The following PHIP variants were observed in gnomAD, a reference collection of about 807,000 sequenced individuals.
The protein encoded by PHIP is PH-interacting protein.
In PHIP, 54 loss-of-function variants were observed where a neutral mutation model predicts 236.8. That is an observed-to-expected ratio of 0.23 (90% CI 0.18 to 0.29). The LOEUF is 0.29. Ranked by LOEUF, PHIP falls within the 10% of genes least tolerant of loss-of-function variation. PHIP has a pLI of 1.00. For synonymous variants in PHIP, 756 were observed against 718.9 expected (o/e 1.05, Z -0.83); for missense variants, 1,370 against 2,190.8 (o/e 0.63, Z 7.48).
intron 4 of PHIP, among the ~76,000 whole-genome samples, chr6:79,063,665 C>CT (rs1461082496): frequency 6.6e-6 from 1 of 152,128 alleles, no homozygotes; most frequent in African/African-American, 2.4e-5. Context: ...AATTCGCCCC[C>CT]TAGGCCTCCC....
At chr6:79,025,355 G>A (rs1361799389) in intron 9 of PHIP, among the ~76,000 whole-genome samples, 164 bp downstream of exon 9, 1 of 152,068 alleles carries the variant, frequency 6.6e-6, no homozygotes, top group Non-Finnish European at 1.5e-5. Flanking sequence ...AAAAAAAGGG[G>A]AGGAATAAAA....
intron 35 of PHIP, 113 bp downstream of exon 35, chr6:78,954,700 TA>T: frequency 1.5e-6 from 1 of 680,934 alleles, no homozygotes; most frequent in South Asian, 2.1e-5. Context: ...AGAACATGTA[TA>T]AAATAATAAA....
At chr6:78,998,673 T>A (rs1214154403) in intron 17 of PHIP, among the ~76,000 whole-genome samples, 1 of 152,208 alleles carries the variant, frequency 6.6e-6, no homozygotes, top group Non-Finnish European at 1.5e-5. Flanking sequence ...TAGGTATGTA[T>A]AAACAACTCC....
chr6:78,994,762 T>C (rs1363561590), intron 19 of PHIP, among the ~76,000 whole-genome samples: 6 of 152,106 alleles, frequency 3.9e-5, no homozygotes, highest in African/African-American at 1.4e-4. Context: ...TTCAGCAACC[T>C]CCACTCTGAT....
At chr6:78,946,973 T>C (rs1773855921) in intron 36 of PHIP, 99 bp from the exon 37 acceptor site, 1 of 646,492 alleles carries the variant, frequency 1.5e-6, no homozygotes, top group Non-Finnish European at 2.5e-6. Context: ...AAAAAATATT[T>C]AGAATTTAAT....
At chr6:78,968,531 G>A (rs957531466) in intron 27 of PHIP, among the ~76,000 whole-genome samples, 8 of 152,198 alleles carry the variant, frequency 5.3e-5, no homozygotes, top group Non-Finnish European at 5.9e-5. Context: ...TGTATGCAAA[G>A]ATTTTGGTAT....
chr6:79,046,751 C>A (rs1020538140), intron 6 of PHIP, among the ~76,000 whole-genome samples: 1 of 151,944 alleles, frequency 6.6e-6, no homozygotes, highest in Non-Finnish European at 1.5e-5. Context: ...CGGTAGGTGC[C>A]TGTAATCCCA....
At chr6:79,017,869 G>C (rs1466802128) in intron 10 of PHIP, among the ~76,000 whole-genome samples, 1 of 151,866 alleles carries the variant, frequency 6.6e-6, no homozygotes, top group African/African-American at 2.4e-5. Context: ...AAAATTATCA[G>C]TCACCTTCAC....
At chr6:79,056,084 A>G (rs1773056040) in intron 6 of PHIP, among the ~76,000 whole-genome samples, 1 of 152,152 alleles carries the variant, frequency 6.6e-6, no homozygotes. Flanking sequence ...TTGGGTCTCT[A>G]AAGAGCAATA....
intron 24 of PHIP, among the ~76,000 whole-genome samples, chr6:78,977,399 T>C (rs994291949): frequency 6.6e-6 from 1 of 152,050 alleles, no homozygotes. Flanking sequence ...GGGGGAGGGA[T>C]AGCATTGGGA....
At chr6:79,019,536 C>T (rs1771005296) in intron 9 of PHIP, among the ~76,000 whole-genome samples, 1 of 152,042 alleles carries the variant, frequency 6.6e-6, no homozygotes, top group African/African-American at 2.4e-5. Context: ...AATACATTAG[C>T]AAAATAGGTG....
chr6:78,982,411 G>A (rs1049124547), intron 23 of PHIP, among the ~76,000 whole-genome samples: 1 of 151,982 alleles, frequency 6.6e-6, no homozygotes. Context: ...AATGTTACAA[G>A]ACCATCTTAC....
intron 6 of PHIP, among the ~76,000 whole-genome samples, chr6:79,049,975 T>TA (rs892634686): frequency 1.3e-5 from 2 of 151,162 alleles, no homozygotes; most frequent in African/African-American, 2.4e-5. Context: ...AATATGAGGG[T>TA]AAAAAAAAAT....
At chr6:78,949,328 A>AG (rs1356896582) in intron 35 of PHIP, among the ~76,000 whole-genome samples, 31 of 152,136 alleles carry the variant, frequency 2.0e-4, no homozygotes, top group African/African-American at 7.5e-4. Flanking sequence ...AGTCTTAGTG[A>AG]GGGGTTCCAC....
chr6:79,075,816 A>T (rs1712229719), intron 4 of PHIP, among the ~76,000 whole-genome samples: 3 of 152,196 alleles, frequency 2.0e-5, no homozygotes, highest in African/African-American at 7.2e-5. Context: ...ATGTAAAAGC[A>T]GATGCAAAGA....
intron 15 of PHIP, among the ~76,000 whole-genome samples, chr6:79,011,397 C>T (rs1770566403): frequency 6.6e-6 from 1 of 151,712 alleles, no homozygotes; most frequent in South Asian, 2.1e-4. Flanking sequence ...TTCTCCTGTT[C>T]ACTTAAAAAA....
At chr6:79,047,977 G>A (rs906645724) in intron 6 of PHIP, among the ~76,000 whole-genome samples, 1 of 149,028 alleles carries the variant, frequency 6.7e-6, no homozygotes, top group African/African-American at 2.5e-5. Flanking sequence ...TTACATTATT[G>A]TATATATGGT....
chr6:78,955,880 C>T (rs1766388009), intron 32 of PHIP, 198 bp from the exon 33 acceptor site: 1 of 320,560 alleles, frequency 3.1e-6, no homozygotes, highest in African/African-American at 2.1e-5. Context: ...TTCAGTGTGG[C>T]CTCACTATAT....
At chr6:79,002,699 A>G (rs1256130368) in intron 16 of PHIP, among the ~76,000 whole-genome samples, 2 of 152,108 alleles carry the variant, frequency 1.3e-5, no homozygotes, top group African/African-American at 4.8e-5. Context: ...TGTGTAGAAA[A>G]GCTACCACTA....
Sources: allele counts gnomAD v4.1 joint callset (sites outside exome capture counted in the v4.1 genomes callset), GRCh38; gene constraint gnomAD v4.1.1; transcripts MANE v1.5; gene names NCBI Gene and HGNC (gene_info 2026-07-23, HGNC 2026-07-21).